HK2: variants seen among roughly 807,000 people sequenced by gnomAD.
HK2 encodes the protein hexokinase 2.
HK2 carries 42 observed loss-of-function variants against 92.9 expected under a neutral mutation model. The observed-to-expected ratio is 0.45, with a 90% CI of 0.35 to 0.58. The LOEUF is 0.58. Ranked by LOEUF, HK2 falls within the 20% of genes least tolerant of loss-of-function variation. The probability of loss-of-function intolerance (pLI) is 0.00; values close to 1 mark genes in which losing one functional copy is unlikely to be tolerated. For synonymous variants in HK2, 422 were observed against 468.0 expected (o/e 0.90, Z 1.27); for missense variants, 978 against 1,245.1 (o/e 0.79, Z 3.23).
intron 2 of HK2, among the ~76,000 whole-genome samples, chr2:74,861,009 A>G (rs1234826834): frequency 6.6e-6 from 1 of 152,178 alleles, no homozygotes; most frequent in African/African-American, 2.4e-5. Flanking sequence ...AGGCAGCCCT[A>G]ATCTGTGCCA....
At chr2:74,867,976 G>GTA (rs28362993) in intron 3 of HK2, 192 bp downstream of exon 3, 193,793 of 653,018 alleles carry the variant, frequency 0.3, 33,873 homozygotes, top group Middle Eastern at 0.41. Context: ...TACCCAACAT[G>GTA]TACTCAGTAT....
intron 17 of HK2, among the ~76,000 whole-genome samples, chr2:74,889,765 A>G (rs561458559): frequency 6.6e-6 from 1 of 152,124 alleles, no homozygotes; most frequent in Non-Finnish European, 1.5e-5. Flanking sequence ...TTCCACCCCC[A>G]TATATGTAGG....
rs1317296462 is a variant in HK2 at position 74,893,206 on chromosome 2, A to G, written c.*2265A>G. The G allele has an allele frequency of 4.6e-5, 7 of 152,182 alleles. No individual in the cohort carries two copies. In the South Asian group the frequency reaches 6.2e-4, roughly 13 times the overall value. The allele number at this position is 152,182 out of a possible 1,614,324, so 9.4% of individuals were successfully genotyped here. On this transcript the variant is annotated 3_prime_UTR_variant, in exon 18 of 18. Coordinates refer to ENST00000290573, the MANE Select transcript of HK2 (RefSeq NM_000189.5). ...CTTTGTGTAAATACAGTGGATCTCA[A>G]TCTTCGGGGTGTGATGAATAGCGAA...
At chr2:74,880,234 C>T in intron 9 of HK2, 31 bp from the exon 10 acceptor site, 1 of 1,613,148 alleles carries the variant, frequency 6.2e-7, no homozygotes. Context: ...ACCATGGACA[C>T]CTGTCTCTTA....
At chr2:74,852,873 C>G (rs189245020) in intron 1 of HK2, among the ~76,000 whole-genome samples, 1 of 152,246 alleles carries the variant, frequency 6.6e-6, no homozygotes. Flanking sequence ...CTCCATTGTG[C>G]CAGGCACCGT....
rs1318089224 is a variant in HK2, at chr2:74,886,472, G to T, written c.2036-18G>T. On this transcript the variant is annotated intron_variant, in intron 14 of 17. Transcript: ENST00000290573. Reference sequence around the variant, plus strand: ...GGGGTTGGTGCTGAGTGAGGCCCTGGTATCCTGTGATTGGCAGGCACGGGC... The same window carrying T: ...GGGGTTGGTGCTGAGTGAGGCCCTGTTATCCTGTGATTGGCAGGCACGGGC... 1 of 1,613,834 alleles carries T rather than the reference G, an allele frequency of 6.2e-7. No homozygotes were observed.
rs140962137 is a variant in HK2 at position 74,886,618 on chromosome 2, C to G, written c.2164C>G (p.Arg722Gly). The part of the protein sequence containing the change: ...FGDNGCLDDF[R>G]TEFDVAVDEL... ...GGACAATGGATGCCTAGATGACTTCCGCACAGAATTTGATGTGGCTGTGGA... is the reference window on the plus strand; with the variant it reads ...GGACAATGGATGCCTAGATGACTTCGGCACAGAATTTGATGTGGCTGTGGA... Residue 722 changes from arginine (R) to glycine (G), a missense_variant, in exon 15 of 18, where the codon CGC (arginine) becomes GGC (glycine). Arg to Gly is a moderately radical substitution (Grantham distance 125). Around this residue, in one of 3 missense-constraint regions of HK2, gnomAD observed 742 missense variants for 922.5 expected, o/e 0.80. Coordinates refer to ENST00000290573, the MANE Select transcript of HK2 (RefSeq NM_000189.5). The G allele has an allele frequency of 6.2e-7, 1 of 1,613,926 alleles. No homozygotes were observed. The highest frequency in any genetic ancestry group is 1.3e-5 in the African/African-American group (1 of 74,950).
chr2:74,874,473 G>T lies in HK2; in HGVS notation c.875+24G>T, dbSNP rs1345110347. ...CTGTGAGTAGGCCCTTCCTGTGCGA[G>T]TGGGCTTGGCGGGGGCCTGGAGCTG... is the stretch of plus-strand genomic sequence containing the variant. On this transcript the variant is annotated intron_variant, in intron 7 of 17. Coordinates refer to ENST00000290573, the MANE Select transcript of HK2 (RefSeq NM_000189.5). The T allele has an allele frequency of 1.9e-6, 3 of 1,575,816 alleles. No homozygotes were observed. In the Admixed American group the frequency reaches 5.5e-5, roughly 29 times the overall value.
At chr2:74,837,348 A>T (rs1429387064) in intron 1 of HK2, among the ~76,000 whole-genome samples, 1 of 152,174 alleles carries the variant, frequency 6.6e-6, no homozygotes, top group Non-Finnish European at 1.5e-5. Context: ...GGCTGCTGGT[A>T]GCACCCCCAC....
intron 17 of HK2, 52 bp from the exon 18 acceptor site, chr2:74,890,745 A>G: frequency 2.5e-6 from 4 of 1,609,604 alleles, no homozygotes; most frequent in Non-Finnish European, 3.4e-6. Flanking sequence ...GCAAATACAA[A>G]CCAATCATGA....
At position 74,880,264 on chromosome 2, in the gene HK2, G is replaced by A. The variant is rs1323831300; in HGVS notation, c.1266-1G>A. On this transcript the variant is annotated splice_acceptor_variant, in intron 9 of 17. Coordinates refer to ENST00000290573, the MANE Select transcript of HK2 (RefSeq NM_000189.5). LOFTEE classifies it high-confidence loss of function. Reference sequence around the variant, plus strand: ...CTCTTACCCGCCCTGGGGAACTGCAGTTTTGCCAAGCGTCTACATAAGACC... The same window carrying A: ...CTCTTACCCGCCCTGGGGAACTGCAATTTTGCCAAGCGTCTACATAAGACC... 1 of 1,614,142 alleles carries A rather than the reference G, an allele frequency of 6.2e-7. No homozygotes were observed. Among genetic ancestry groups the A allele is most frequent in the South Asian group, 1.1e-5 (1 of 91,082 alleles).
chr2:74,858,688 A>AG (rs1688747480), intron 2 of HK2, among the ~76,000 whole-genome samples: 1 of 152,216 alleles, frequency 6.6e-6, no homozygotes, highest in South Asian at 2.1e-4. Flanking sequence ...CCCCATCACC[A>AG]GGGGCCCTGC....
chr2:74,834,746 C>G lies in HK2; in HGVS notation c.63+103C>G, dbSNP rs663504. ...GCGGGGACCCGCTTCCTCCCTACTCCGGGCCTGGGAGCGGAAAAAGTTTGG... is the reference window on the plus strand; with the variant it reads ...GCGGGGACCCGCTTCCTCCCTACTCGGGGCCTGGGAGCGGAAAAAGTTTGG... On this transcript the variant is annotated intron_variant, in intron 1 of 17. Transcript: ENST00000290573. This position sits in a 1 kb window ranked among gnomAD's most constrained non-coding sequence, Gnocchi z 4.2. 959,091 of 1,314,558 alleles carry G rather than the reference C, an allele frequency of 0.73. 352,162 individuals are homozygous for G. The highest frequency in any genetic ancestry group is 0.9 in the African/African-American group (62,279 of 69,242). The allele number at this position is 1,314,558 out of a possible 1,614,324, so 81.4% of individuals were successfully genotyped here.
intron 7 of HK2, among the ~76,000 whole-genome samples, chr2:74,875,253 T>A (rs1237784567): frequency 6.6e-6 from 1 of 152,070 alleles, no homozygotes; most frequent in East Asian, 1.9e-4. Flanking sequence ...TTCGTGCAGA[T>A]CTCTACTTGG....
At chr2:74,861,838 G>A (rs537103994) in intron 2 of HK2, among the ~76,000 whole-genome samples, 70 of 152,272 alleles carry the variant, frequency 4.6e-4, no homozygotes, top group African/African-American at 1.6e-3. Context: ...AAGTAACTGT[G>A]GTGCCTTTAT....
chr2:74,874,667 T>C (rs1313862201), intron 7 of HK2, among the ~76,000 whole-genome samples: 1 of 152,236 alleles, frequency 6.6e-6, no homozygotes, highest in Admixed American at 6.5e-5. Context: ...TGTGTTTCCT[T>C]CACAGGAGTC....
At chr2:74,877,047 T>C (rs1689250414) in intron 7 of HK2, 119 bp from the exon 8 acceptor site, 2 of 1,364,630 alleles carry the variant, frequency 1.5e-6, no homozygotes, top group Non-Finnish European at 2.1e-6. Flanking sequence ...TCCTGGGCCG[T>C]GCTGCACACA....
At chr2:74,845,609 C>A (rs1688416929) in intron 1 of HK2, among the ~76,000 whole-genome samples, 1 of 152,232 alleles carries the variant, frequency 6.6e-6, no homozygotes, top group Non-Finnish European at 1.5e-5. Flanking sequence ...GTATGCCTCC[C>A]TGGTCAGCTC....
intron 3 of HK2, among the ~76,000 whole-genome samples, chr2:74,871,751 A>T (rs1290228645): frequency 1.3e-5 from 2 of 152,252 alleles, no homozygotes; most frequent in South Asian, 2.1e-4. Context: ...GGAGAAAAAA[A>T]TATAAAAATT....
Sources: gnomAD v4.1 joint callset for allele counts (sites outside exome capture counted in the v4.1 genomes callset) on GRCh38, gnomAD v4.1.1 for gene constraint, gnomAD v4.1.1 regional missense constraint, Gnocchi (gnomAD v3.1) non-coding constraint, MANE v1.5 for transcripts, NCBI Gene and HGNC (gene_info 2026-07-23, HGNC 2026-07-21) for gene names.